Variants in FGF14 observed in about 807,000 individuals in gnomAD.
FGF14 encodes fibroblast growth factor homologous factor 4.
FGF14 carries 5 observed loss-of-function variants against 25.5 expected under a neutral mutation model. The ratio of observed to expected loss-of-function variants is 0.20; its 90% CI spans 0.10 to 0.41. The LOEUF is 0.41. FGF14 is among the 10% of genes least tolerant of loss of function. FGF14 has a pLI of 1.00. For missense variants in FGF14, 222 were observed against 320.1 expected (o/e 0.69, Z 2.34); for synonymous variants, 138 against 118.3 (o/e 1.17, Z -1.08).
intron 1 of FGF14, among the ~76,000 whole-genome samples, chr13:101,955,308 T>C (rs2036446273): frequency 6.6e-6 from 1 of 152,218 alleles, no homozygotes; most frequent in Non-Finnish European, 1.5e-5. Context: ...TGCAATTGGG[T>C]TTAGCTTCTA....
intron 1 of FGF14, among the ~76,000 whole-genome samples, chr13:102,064,769 AGT>A (rs1436414084): frequency 1.3e-5 from 2 of 152,054 alleles, no homozygotes; most frequent in Non-Finnish European, 2.9e-5. Flanking sequence ...TAATTTACAA[AGT>A]GTGTATATTG....
At chr13:102,299,668 G>T (rs1449703141) in intron 1 of FGF14, 1 of 152,152 alleles carries the variant, frequency 6.6e-6, no homozygotes, top group Admixed American at 6.6e-5. Flanking sequence ...GGAAGGAGGA[G>T]GCCCCGGAAG....
intron 3 of FGF14, among the ~76,000 whole-genome samples, chr13:101,867,737 G>A (rs2044791478): frequency 6.6e-6 from 1 of 152,048 alleles, no homozygotes; most frequent in African/African-American, 2.4e-5. Context: ...ACCCTTCAGG[G>A]AACTCAGAAT....
chr13:102,212,265 T>C (rs2050192525), intron 1 of FGF14, among the ~76,000 whole-genome samples: 2 of 152,232 alleles, frequency 1.3e-5, no homozygotes, highest in African/African-American at 2.4e-5. Flanking sequence ...AGAACTAAGG[T>C]AGGTCAACCT....
At chr13:101,882,232 A>G (rs2045748065) in intron 1 of FGF14, among the ~76,000 whole-genome samples, 1 of 152,126 alleles carries the variant, frequency 6.6e-6, no homozygotes, top group Admixed American at 6.6e-5. Context: ...TGATTCATTC[A>G]CAGAATTTTC....
rs539234622 is a variant in FGF14, at chr13:102,127,787, C to T, written c.209-252491G>A. 2.0e-3 allele frequency among the ~76,000 whole-genome samples: 312 copies of T among 152,318 alleles called. 1 individual carries two copies. The highest frequency in any genetic ancestry group is 6.9e-3 in the African/African-American group (285 of 41,564). ...ATGAAGTGACTAAAATAAATTAACA[C>T]GAGTGGTGTTCACAATGAGATTGTT... On this transcript the variant is annotated intron_variant, in intron 1 of 4. Transcript: ENST00000376131.
At chr13:102,088,874 G>C (rs2044044949) in intron 1 of FGF14, among the ~76,000 whole-genome samples, 1 of 152,098 alleles carries the variant, frequency 6.6e-6, no homozygotes, top group Admixed American at 6.5e-5. Flanking sequence ...ATCTAATCCT[G>C]AAAGTTACCG....
chr13:102,197,676 C>T (rs748442616), intron 1 of FGF14, among the ~76,000 whole-genome samples: 2 of 151,636 alleles, frequency 1.3e-5, no homozygotes, highest in Non-Finnish European at 2.9e-5. Context: ...ATATTGATAT[C>T]TTTTATATGT....
intron 1 of FGF14, among the ~76,000 whole-genome samples, chr13:101,932,818 T>C (rs1174893824): frequency 7.0e-6 from 1 of 143,870 alleles, no homozygotes; most frequent in Non-Finnish European, 1.5e-5. Flanking sequence ...GGTTCTGAAA[T>C]CCCAGGCCAA....
chr13:101,895,180 T>A (rs1594638474), intron 1 of FGF14, among the ~76,000 whole-genome samples: 1 of 152,250 alleles, frequency 6.6e-6, no homozygotes, highest in South Asian at 2.1e-4. Context: ...GGGTATATGC[T>A]TCAGAGATCT....
intron 3 of FGF14, among the ~76,000 whole-genome samples, chr13:101,766,970 A>G (rs895672739): frequency 2.6e-5 from 4 of 152,212 alleles, no homozygotes; most frequent in African/African-American, 9.6e-5. Flanking sequence ...TATGCATAAT[A>G]GTCTTAAATA....
chr13:101,854,265 T>C (rs1457018987), intron 3 of FGF14, among the ~76,000 whole-genome samples: 1 of 152,140 alleles, frequency 6.6e-6, no homozygotes, highest in African/African-American at 2.4e-5. Flanking sequence ...ATTGCTGTTA[T>C]CATAATTTTA....
Position 101,751,908 on chromosome 13 carries a change from G to GA in FGF14, c.409-25099dup, listed in dbSNP as rs928393277. Among the ~76,000 whole-genome samples the GA allele has an allele frequency of 1.6e-3, 237 of 151,120 alleles. 2 individuals carry two copies. The highest frequency in any genetic ancestry group is 5.3e-3 in the African/African-American group (216 of 41,050). Reference sequence around the variant, plus strand: ...TGAGATGTGGAAACCTTCTCTGGGGGAAAAAAACAAAACAAAACAAAAACA... The same window carrying GA: ...TGAGATGTGGAAACCTTCTCTGGGGGAAAAAAAACAAAACAAAACAAAAACA... On this transcript the variant is annotated intron_variant, in intron 3 of 4. Coordinates refer to ENST00000376143, the MANE Select transcript of FGF14 (RefSeq NM_004115.4).
At chr13:102,003,559 T>C (rs1381957097) in intron 1 of FGF14, among the ~76,000 whole-genome samples, 3 of 152,182 alleles carry the variant, frequency 2.0e-5, no homozygotes, top group East Asian at 3.9e-4. Flanking sequence ...GCTTAGTTTC[T>C]TACATCAAAG....
chr13:101,942,418 T>A (rs1054330235), intron 1 of FGF14, among the ~76,000 whole-genome samples: 3 of 152,216 alleles, frequency 2.0e-5, no homozygotes, highest in Admixed American at 6.5e-5. Context: ...CATGAAAATA[T>A]TATTAAGAAA....
At chr13:102,263,333 A>G (rs921391674) in intron 1 of FGF14, 4 of 266,332 alleles carry the variant, frequency 1.5e-5, no homozygotes, top group Non-Finnish European at 2.9e-5. Context: ...AGATGGAGAA[A>G]TGGAGTAGTG....
chr13:101,893,666 G>C (rs537942146), intron 1 of FGF14, among the ~76,000 whole-genome samples: 86 of 152,232 alleles, frequency 5.6e-4, no homozygotes, highest in Middle Eastern at 3.4e-3. Flanking sequence ...AAAGTGCCAC[G>C]TGATAAGGAA....
intron 3 of FGF14, chr13:101,779,144 ATAAGTGACTGAAAAG>A (rs2039332442): frequency 6.6e-6 from 1 of 152,242 alleles, no homozygotes; most frequent in Non-Finnish European, 1.5e-5. Flanking sequence ...ACTTAATGAA[ATAAGTGACTGAAAAG>A]TCACAGAAGA....
chr13:102,050,470 A>T (rs1334277838), intron 1 of FGF14, among the ~76,000 whole-genome samples: 1 of 152,210 alleles, frequency 6.6e-6, no homozygotes, highest in African/African-American at 2.4e-5. Context: ...CCCTGTAAAC[A>T]TCCAACAACT....
Sources: gnomAD v4.1 joint callset for allele counts (sites outside exome capture counted in the v4.1 genomes callset) on GRCh38, gnomAD v4.1.1 for gene constraint, MANE v1.5 for transcripts, NCBI Gene and HGNC (gene_info 2026-07-23, HGNC 2026-07-21) for gene names.